FHIT: variants seen among roughly 807,000 people sequenced by gnomAD.
FHIT encodes the protein bis(5'-adenosyl)-triphosphatase.
A neutral mutation model predicts 17.9 loss-of-function variants in FHIT; 19 were observed. The ratio of observed to expected loss-of-function variants is 1.06; its 90% CI spans 0.74 to 1.56. FHIT has a LOEUF of 1.56. Among genes scored for constraint, FHIT ranks in the 40% most tolerant of loss-of-function variants. The pLI is 0.00. For missense variants in FHIT, 248 were observed against 189.2 expected (o/e 1.31, Z -1.82); for synonymous variants, 81 against 69.7 (o/e 1.16, Z -0.81).
chr3:60,956,452 T>C (rs1222268714), intron 3 of FHIT, among the ~76,000 whole-genome samples: 1 of 152,218 alleles, frequency 6.6e-6, no homozygotes, highest in Non-Finnish European at 1.5e-5. Flanking sequence ...GAACCTTTAC[T>C]TTATTGTCCC....
chr3:59,754,010 CA>C (rs1311335310), intron 8 of FHIT, among the ~76,000 whole-genome samples: 3 of 152,146 alleles, frequency 2.0e-5, no homozygotes, highest in Admixed American at 1.3e-4. Flanking sequence ...GCCAACTCAG[CA>C]AAAAGTCTAT....
intron 8 of FHIT, among the ~76,000 whole-genome samples, chr3:59,875,165 G>A (rs1219514252): frequency 6.6e-6 from 1 of 152,152 alleles, no homozygotes; most frequent in Non-Finnish European, 1.5e-5. Flanking sequence ...GTCTGCAGGG[G>A]CCTCAGACTT....
At chr3:60,035,235 T>C (rs921973178) in intron 5 of FHIT, among the ~76,000 whole-genome samples, 1 of 152,134 alleles carries the variant, frequency 6.6e-6, no homozygotes, top group Non-Finnish European at 1.5e-5. Context: ...CACGTGGGTT[T>C]CACAGAATGG....
chr3:60,686,041 T>C (rs147343348), intron 4 of FHIT, among the ~76,000 whole-genome samples: 27 of 152,314 alleles, frequency 1.8e-4, no homozygotes, highest in African/African-American at 6.5e-4. Flanking sequence ...TTTTTCTGAA[T>C]GCAACTTTAT....
At chr3:60,031,062 G>A (rs1264996872) in intron 5 of FHIT, among the ~76,000 whole-genome samples, 1 of 152,218 alleles carries the variant, frequency 6.6e-6, no homozygotes, top group Non-Finnish European at 1.5e-5. Flanking sequence ...ACAAGATGGA[G>A]AAGTTTCACT....
chr3:60,266,583 C>G (rs2107618982), intron 5 of FHIT, among the ~76,000 whole-genome samples: 1 of 152,154 alleles, frequency 6.6e-6, no homozygotes, highest in African/African-American at 2.4e-5. Context: ...GATGTTTGAG[C>G]AGGGGAAGGG....
At chr3:60,751,042 C>T (rs1553716693) in intron 4 of FHIT, among the ~76,000 whole-genome samples, 1 of 152,200 alleles carries the variant, frequency 6.6e-6, no homozygotes, top group Admixed American at 6.5e-5. Context: ...ATGTGACTAA[C>T]AAACTGCTGT....
intron 4 of FHIT, among the ~76,000 whole-genome samples, chr3:60,669,261 G>T (rs1325260946): frequency 7.2e-5 from 11 of 152,148 alleles, no homozygotes; most frequent in Non-Finnish European, 1.2e-4. Flanking sequence ...ACTTATAAGT[G>T]TTCATCCTTG....
Position 60,795,930 on chromosome 3 carries a change from A to T in FHIT, c.-18+25989T>A, listed in dbSNP as rs541878586. On this transcript the variant is annotated intron_variant, in intron 4 of 9. Transcript: ENST00000492590. ...TCATGCTGCTGATGAAGACATACCC[A>T]AGACTGGGAAGAAAAAGAGGTTTAA... Among the ~76,000 whole-genome samples, 4 of 152,306 alleles carry T rather than the reference A, an allele frequency of 2.6e-5. No individual in the cohort carries two copies. The South Asian group carries it at 8.3e-4, about 32-fold the overall frequency.
intron 5 of FHIT, among the ~76,000 whole-genome samples, chr3:60,380,351 G>C (rs993739868): frequency 2.0e-5 from 3 of 152,168 alleles, no homozygotes; most frequent in Admixed American, 6.5e-5. Context: ...ATGATACTAA[G>C]TTTCCTCTGG....
chr3:60,848,260 T>G (rs370150641), intron 3 of FHIT, among the ~76,000 whole-genome samples: 1 of 152,218 alleles, frequency 6.6e-6, no homozygotes, highest in South Asian at 2.1e-4. Context: ...TCCTGGGCCT[T>G]AAGCACAGTT....
At chr3:59,800,106 T>C (rs141677429) in intron 8 of FHIT, among the ~76,000 whole-genome samples, 2 of 152,340 alleles carry the variant, frequency 1.3e-5, no homozygotes, top group African/African-American at 2.4e-5. Context: ...ACTTCGACAA[T>C]TGCCAAGAAG....
At chr3:60,465,200 C>A (rs1285741785) in intron 5 of FHIT, among the ~76,000 whole-genome samples, 1 of 152,028 alleles carries the variant, frequency 6.6e-6, no homozygotes, top group Non-Finnish European at 1.5e-5. Flanking sequence ...GATCTCTGCT[C>A]ATTTTTTAAT....
intron 1 of FHIT, among the ~76,000 whole-genome samples, chr3:61,208,067 T>G (rs1291890734): frequency 2.6e-5 from 4 of 152,328 alleles, no homozygotes; most frequent in Non-Finnish European, 2.9e-5. Flanking sequence ...TTCATTTCGT[T>G]ATGTACCCCA....
chr3:61,246,199 T>C (rs2040483859), intron 1 of FHIT, among the ~76,000 whole-genome samples: 1 of 152,116 alleles, frequency 6.6e-6, no homozygotes, highest in Non-Finnish European at 1.5e-5. Flanking sequence ...GAAATAACCA[T>C]AAAAATGAGA....
chr3:60,368,637 A>G (rs1404470278), intron 5 of FHIT, among the ~76,000 whole-genome samples: 1 of 151,856 alleles, frequency 6.6e-6, no homozygotes, highest in Non-Finnish European at 1.5e-5. Flanking sequence ...TATTTTCTCA[A>G]CTGGGTCTTT....
intron 4 of FHIT, among the ~76,000 whole-genome samples, chr3:60,561,864 A>C (rs1044875426): frequency 1.3e-5 from 2 of 151,984 alleles, no homozygotes; most frequent in Non-Finnish European, 2.9e-5. Flanking sequence ...TTTATTGCCC[A>C]GACTCTGGGA....
intron 2 of FHIT, among the ~76,000 whole-genome samples, chr3:61,152,422 A>G (rs2037420969): frequency 1.3e-5 from 2 of 152,266 alleles, no homozygotes; most frequent in Non-Finnish European, 2.9e-5. Context: ...TTAGAAGAAC[A>G]GTAGTTTCCA....
intron 8 of FHIT, among the ~76,000 whole-genome samples, chr3:59,905,094 G>C (rs539571089): frequency 8.1e-4 from 123 of 152,298 alleles, no homozygotes; most frequent in Non-Finnish European, 1.6e-3. Flanking sequence ...CTTGAGGTGG[G>C]GTTTCACTGG....
Sources: gnomAD v4.1 joint callset for allele counts (sites outside exome capture counted in the v4.1 genomes callset) on GRCh38, gnomAD v4.1.1 for gene constraint, MANE v1.5 for transcripts, NCBI Gene and HGNC (gene_info 2026-07-23, HGNC 2026-07-21) for gene names.